The following ANK3 variants were observed in gnomAD, a reference collection of about 807,000 sequenced individuals.
ANK3 encodes ankyrin-3.
A neutral mutation model predicts 370.9 loss-of-function variants in ANK3; 57 were observed. The observed-to-expected ratio is 0.15, with a 90% CI of 0.12 to 0.19. The LOEUF is 0.19. Ranked by LOEUF, ANK3 falls within the 10% of genes least tolerant of loss-of-function variation. The probability of loss-of-function intolerance (pLI) is 1.00; values close to 1 mark genes in which losing one functional copy is unlikely to be tolerated. For synonymous variants in ANK3, 1,929 were observed against 1,946.3 expected (o/e 0.99, Z 0.23); for missense variants, 4,439 against 5,302.1 (o/e 0.84, Z 5.06).
At chr10:60,567,468 A>G (rs1431647764) in intron 2 of ANK3, among the ~76,000 whole-genome samples, 1 of 152,098 alleles carries the variant, frequency 6.6e-6, no homozygotes, top group Non-Finnish European at 1.5e-5. Flanking sequence ...CAGAAAAAAA[A>G]TTTCTTTTTA....
At chr10:60,678,234 C>T (rs2079151695) in intron 1 of ANK3, among the ~76,000 whole-genome samples, 1 of 152,168 alleles carries the variant, frequency 6.6e-6, no homozygotes, top group Non-Finnish European at 1.5e-5. Context: ...CAAGAAAATA[C>T]ATTGATAGGG....
intron 2 of ANK3, among the ~76,000 whole-genome samples, chr10:60,456,628 G>A (rs1403309822): frequency 6.6e-6 from 1 of 152,044 alleles, no homozygotes; most frequent in East Asian, 1.9e-4. Flanking sequence ...TACATTTGAG[G>A]CACTGTGATC....
At chr10:60,517,020 TCTC>T (rs1274402269) in intron 2 of ANK3, among the ~76,000 whole-genome samples, 1 of 152,058 alleles carries the variant, frequency 6.6e-6, no homozygotes, top group East Asian at 1.9e-4. Context: ...CAATTTATCA[TCTC>T]TGGGTGGTCT....
chr10:60,384,072 C>T (rs1274223657), intron 1 of ANK3, among the ~76,000 whole-genome samples: 1 of 152,118 alleles, frequency 6.6e-6, no homozygotes, highest in Non-Finnish European at 1.5e-5. Flanking sequence ...TGACCTCAGA[C>T]AAGGTATTTT....
intron 42 of ANK3, chr10:60,043,947 T>G (rs2076536361): frequency 1.0e-6 from 1 of 985,648 alleles, no homozygotes; most frequent in African/African-American, 1.7e-5. Flanking sequence ...ATCAAATGCA[T>G]AAGATGTCAA....
At chr10:60,110,739 A>G (rs1057204033) in intron 26 of ANK3, among the ~76,000 whole-genome samples, 7 of 152,210 alleles carry the variant, frequency 4.6e-5, no homozygotes, top group Non-Finnish European at 8.8e-5. Context: ...AAATCAAATC[A>G]TTCCCTGCAC....
chr10:60,527,317 ACATGCTT>A (rs796838906), intron 2 of ANK3, among the ~76,000 whole-genome samples: 6 of 152,254 alleles, frequency 3.9e-5, no homozygotes, highest in African/African-American at 1.2e-4. Flanking sequence ...GATCTCTTCA[ACATGCTT>A]CATAAGATCA....
Position 60,198,865 on chromosome 10 carries a change from T to C in ANK3, c.1492-328A>G, listed in dbSNP as rs150337247. On this transcript the variant is annotated intron_variant, in intron 13 of 43. Transcript: ENST00000280772. ...CTTTGGGAGATAAGAGAATGTATCC[T>C]AGTAAAACTCATATACCTGGGAGGG... is the stretch of plus-strand genomic sequence containing the variant. Among the ~76,000 whole-genome samples, 250 of 152,282 alleles carry C rather than the reference T, an allele frequency of 1.6e-3. 2 individuals are homozygous for C. In the Middle Eastern group the frequency reaches 0.017, roughly 10 times the overall value.
In ANK3 at chr10:60,323,229, A is replaced by G. The variant is rs759921588; in HGVS notation, c.115-43590T>C. 3.0e-4 allele frequency among the ~76,000 whole-genome samples: 45 copies of G among 152,286 alleles called. No individual in the cohort carries two copies. In the Middle Eastern group the frequency reaches 0.014, roughly 46 times the overall value. On this transcript the variant is annotated intron_variant, in intron 1 of 43. Coordinates refer to ENST00000280772, the MANE Select transcript of ANK3 (RefSeq NM_020987.5). ...TGAGAAACAGAAGATACCTCAAAAC[A>G]AATGTCTGTGCAGGAGCATAGAAGT...
intron 1 of ANK3, among the ~76,000 whole-genome samples, chr10:60,348,243 G>A (rs575254338): frequency 2.7e-5 from 4 of 149,850 alleles, no homozygotes; most frequent in African/African-American, 9.9e-5. Flanking sequence ...ACCCCAGCCA[G>A]CCCATTCTAA....
intron 1 of ANK3, among the ~76,000 whole-genome samples, chr10:60,366,824 T>C (rs145232262): frequency 6.6e-6 from 1 of 152,290 alleles, no homozygotes; most frequent in East Asian, 1.9e-4. Flanking sequence ...TAAATCAATA[T>C]GTACCGCTTA....
At chr10:60,686,573 G>A (rs2079271077) in intron 1 of ANK3, among the ~76,000 whole-genome samples, 1 of 152,032 alleles carries the variant, frequency 6.6e-6, no homozygotes, top group Non-Finnish European at 1.5e-5. Flanking sequence ...CTATGTGCCA[G>A]GCACTATTAA....
intron 1 of ANK3, among the ~76,000 whole-genome samples, chr10:60,333,225 G>A (rs1202212591): frequency 1.3e-5 from 2 of 151,942 alleles, no homozygotes; most frequent in Admixed American, 1.3e-4. Flanking sequence ...AGGTATACAC[G>A]TGTCATGGTG....
At chr10:60,405,200 T>A (rs1411288103) in intron 2 of ANK3, among the ~76,000 whole-genome samples, 1 of 151,996 alleles carries the variant, frequency 6.6e-6, no homozygotes, top group African/African-American at 2.4e-5. Context: ...ACAGAAAACA[T>A]ATGCCCAAAA....
At chr10:60,081,700 T>C (rs1345348737) in intron 35 of ANK3, 5 of 296,850 alleles carry the variant, frequency 1.7e-5, no homozygotes, top group Non-Finnish European at 3.3e-5. Flanking sequence ...ATATAGTTGA[T>C]AGTAAAATAG....
chr10:60,642,754 T>C (rs1396519025), intron 1 of ANK3, among the ~76,000 whole-genome samples: 1 of 152,076 alleles, frequency 6.6e-6, no homozygotes, highest in Non-Finnish European at 1.5e-5. Context: ...ATTGTGCACA[T>C]GTACCCTAAA....
chr10:60,334,805 T>G (rs559975659), intron 1 of ANK3, among the ~76,000 whole-genome samples: 6 of 152,276 alleles, frequency 3.9e-5, no homozygotes, highest in African/African-American at 1.2e-4. Context: ...AAAATAATAA[T>G]CTAAACTTGA....
chr10:60,063,334 C>T, intron 39 of ANK3, 80 bp from the exon 40 acceptor site: 1 of 1,412,942 alleles, frequency 7.1e-7, no homozygotes, highest in African/African-American at 1.4e-5. Flanking sequence ...AAAGGCATGG[C>T]TTTTGCAGCC....
chr10:60,208,008 G>C (rs775377266), intron 10 of ANK3, 28 bp downstream of exon 10: 2 of 1,601,678 alleles, frequency 1.2e-6, no homozygotes, highest in African/African-American at 1.3e-5. Flanking sequence ...AGACAACTGA[G>C]GCTGGACTCG....
Sources: allele counts gnomAD v4.1 joint callset (sites outside exome capture counted in the v4.1 genomes callset), GRCh38; gene constraint gnomAD v4.1.1; transcripts MANE v1.5; gene names NCBI Gene and HGNC (gene_info 2026-07-23, HGNC 2026-07-21).